Variants in GRID2 observed in about 807,000 individuals in gnomAD.
GRID2 encodes the protein glutamate receptor ionotropic, delta-2.
Under a neutral mutation model 114.8 loss-of-function variants are expected in GRID2, and 33 were observed. The ratio of observed to expected loss-of-function variants is 0.29; its 90% CI spans 0.22 to 0.38. GRID2 has a LOEUF of 0.38. Ranked by LOEUF, GRID2 falls within the 10% of genes least tolerant of loss-of-function variation. The pLI is 1.00. For missense variants in GRID2, 1,184 were observed against 1,257.7 expected (o/e 0.94, Z 0.89); for synonymous variants, 505 against 449.9 (o/e 1.12, Z -1.55).
chr4:93,405,207 A>G (rs1766290981), intron 9 of GRID2, among the ~76,000 whole-genome samples: 1 of 152,150 alleles, frequency 6.6e-6, no homozygotes, highest in South Asian at 2.1e-4. Context: ...TGGGGAAAAT[A>G]TGATTTTTAT....
At chr4:93,709,326 T>G (rs1237251745) in intron 14 of GRID2, among the ~76,000 whole-genome samples, 4 of 152,188 alleles carry the variant, frequency 2.6e-5, no homozygotes, top group African/African-American at 9.6e-5. Flanking sequence ...GTATTTCTCC[T>G]TTGTGTCTGA....
chr4:93,120,479 G>T (rs1733679467), intron 4 of GRID2, among the ~76,000 whole-genome samples: 1 of 152,120 alleles, frequency 6.6e-6, no homozygotes, highest in Middle Eastern at 3.2e-3. Flanking sequence ...ATCATTCTCA[G>T]CAAACTAACA....
chr4:92,505,452 T>C lies in GRID2; in HGVS notation c.89-84679T>C, dbSNP rs550169338. ...TCCTTTCTTTTTGCAAGTTAACATATATAAAACACCTGTTCTTATTCTTAA... is the reference window on the plus strand; with the variant it reads ...TCCTTTCTTTTTGCAAGTTAACATACATAAAACACCTGTTCTTATTCTTAA... On this transcript the variant is annotated intron_variant, in intron 1 of 15. Transcript: ENST00000282020. 2.6e-5 allele frequency among the ~76,000 whole-genome samples: 4 copies of C among 152,120 alleles called. No homozygotes were observed. The South Asian group carries it at 6.2e-4, about 24-fold the overall frequency.
rs144593302 is a variant in GRID2 at position 93,489,178 on chromosome 4, T to A, written c.1859-1461T>A. On this transcript the variant is annotated intron_variant, in intron 11 of 15. Transcript: ENST00000282020. ...GCAGTATAGGGTTGTGGGGAGTTAT[T>A]TTAGATAGAGTGGTGATAAAAGATT... is the stretch of plus-strand genomic sequence containing the variant. Among the ~76,000 whole-genome samples, 1,232 of 152,042 alleles carry A rather than the reference T, an allele frequency of 8.1e-3. 22 individuals are homozygous for A. Among genetic ancestry groups the A allele is most frequent in the African/African-American group, 0.028 (1,178 of 41,498 alleles).
At chr4:92,952,469 A>T (rs1315068040) in intron 2 of GRID2, among the ~76,000 whole-genome samples, 1 of 152,182 alleles carries the variant, frequency 6.6e-6, no homozygotes, top group Admixed American at 6.5e-5. Flanking sequence ...AATAACTCAG[A>T]TTGTTTTTGC....
intron 3 of GRID2, among the ~76,000 whole-genome samples, chr4:93,086,317 A>T (rs1177133906): frequency 6.6e-6 from 1 of 152,174 alleles, no homozygotes; most frequent in Non-Finnish European, 1.5e-5. Context: ...TAAACATCTT[A>T]AAAAATGCTT....
At chr4:93,041,334 C>A (rs990523166) in intron 2 of GRID2, among the ~76,000 whole-genome samples, 2 of 152,130 alleles carry the variant, frequency 1.3e-5, no homozygotes, top group South Asian at 2.1e-4. Context: ...ACAATTCTCT[C>A]TTAATGAGAT....
chr4:92,726,112 C>G (rs371153837), intron 2 of GRID2, among the ~76,000 whole-genome samples: 329 of 152,174 alleles, frequency 2.2e-3, no homozygotes, highest in African/African-American at 7.7e-3. Flanking sequence ...TTGTATTTTA[C>G]TTCCATTTTG....
chr4:93,797,552 C>T (rs1009351675), intron 1 of GRID2, among the ~76,000 whole-genome samples: 6 of 152,220 alleles, frequency 3.9e-5, no homozygotes, highest in South Asian at 2.1e-4. Flanking sequence ...GAACCACTCA[C>T]GCATTTACTC....
chr4:93,704,567 A>G (rs572974275), intron 14 of GRID2, among the ~76,000 whole-genome samples: 23 of 152,156 alleles, frequency 1.5e-4, no homozygotes, highest in African/African-American at 5.3e-4. Flanking sequence ...TTCTAACTAT[A>G]TTTTTGAACT....
chr4:92,898,938 A>G (rs1047054091), intron 2 of GRID2, among the ~76,000 whole-genome samples: 5 of 152,196 alleles, frequency 3.3e-5, no homozygotes, highest in Non-Finnish European at 7.4e-5. Flanking sequence ...AATTTTGTAT[A>G]GACTTTTCCA....
intron 2 of GRID2, among the ~76,000 whole-genome samples, chr4:92,641,445 T>C (rs1731345584): frequency 3.0e-5 from 2 of 67,572 alleles, no homozygotes; most frequent in East Asian, 4.3e-4. Flanking sequence ...TGGCCAATAT[T>C]TTTTTTTCTT....
intron 13 of GRID2, among the ~76,000 whole-genome samples, chr4:93,561,122 G>A (rs1734884590): frequency 6.6e-6 from 1 of 152,038 alleles, no homozygotes; most frequent in Non-Finnish European, 1.5e-5. Context: ...GGCAGTAGGG[G>A]GAGTCAGATA....
Position 93,110,921 on chromosome 4 carries a change from A to G in GRID2, c.703A>G (p.Asn235Asp). Residue 235 changes from asparagine to aspartate, a missense_variant, in exon 4 of 16, where the codon AAT (asparagine) becomes GAT (aspartate). Around this residue, in one of 3 missense-constraint regions of GRID2, gnomAD observed 455 missense variants for 429.5 expected, o/e 1.06. Transcript: ENST00000282020. ...TCTTAGGCGAGCGATCCTTGTTATGAATCCTGCTACAGCCAAATCCTTCAT... is the reference window on the plus strand; with the variant it reads ...TCTTAGGCGAGCGATCCTTGTTATGGATCCTGCTACAGCCAAATCCTTCAT... ...DTLRRAILVM[N>D]PATAKSFITE... 1 of 1,612,504 alleles carries G rather than the reference A, an allele frequency of 6.2e-7. No individual in the cohort carries two copies. Among genetic ancestry groups the G allele is most frequent in the Non-Finnish European group, 8.5e-7 (1 of 1,178,508 alleles).
intron 2 of GRID2, among the ~76,000 whole-genome samples, chr4:92,687,295 C>G (rs1324964332): frequency 6.6e-6 from 1 of 151,146 alleles, no homozygotes; most frequent in Non-Finnish European, 1.5e-5. Context: ...ATACTGTTGA[C>G]TATAATTCTT....
intron 1 of GRID2, among the ~76,000 whole-genome samples, chr4:92,554,384 C>G (rs777206334): frequency 1.4e-4 from 21 of 152,128 alleles, no homozygotes; most frequent in Non-Finnish European, 2.8e-4. Flanking sequence ...TTCTCAAGCA[C>G]TTTGAAATGT....
chr4:93,678,067 C>T (rs967532253), intron 14 of GRID2, among the ~76,000 whole-genome samples: 3 of 152,092 alleles, frequency 2.0e-5, no homozygotes, highest in African/African-American at 4.8e-5. Flanking sequence ...CTAACCAATA[C>T]AGAGAAGTGC....
At chr4:93,109,969 A>G (rs1405839774) in intron 3 of GRID2, among the ~76,000 whole-genome samples, 5 of 152,042 alleles carry the variant, frequency 3.3e-5, no homozygotes, top group African/African-American at 7.3e-5. Context: ...GGACATTTTA[A>G]TTTGATAAAT....
At chr4:93,723,171 T>C (rs34470103) in intron 14 of GRID2, among the ~76,000 whole-genome samples, 14,206 of 152,288 alleles carry the variant, frequency 0.093, 844 homozygotes, top group Middle Eastern at 0.16. Context: ...GTTTTATACC[T>C]GTTGCTGATA....
Sources: gnomAD v4.1 joint callset for allele counts (sites outside exome capture counted in the v4.1 genomes callset) on GRCh38, gnomAD v4.1.1 for gene constraint, gnomAD v4.1.1 regional missense constraint, MANE v1.5 for transcripts, NCBI Gene and HGNC (gene_info 2026-07-23, HGNC 2026-07-21) for gene names.